The following PCDH15 variants were observed in gnomAD, a reference collection of about 807,000 sequenced individuals.
PCDH15 encodes protocadherin related 15.
Under a neutral mutation model 178.5 loss-of-function variants are expected in PCDH15, and 129 were observed. The ratio of observed to expected loss-of-function variants is 0.72; its 90% CI spans 0.63 to 0.84. PCDH15 has a LOEUF of 0.84. Ranked by LOEUF, PCDH15 falls within the 40% of genes least tolerant of loss-of-function variation. The probability of loss-of-function intolerance (pLI) is 0.00; values close to 1 mark genes in which losing one functional copy is unlikely to be tolerated. For missense variants in PCDH15, 2,230 were observed against 2,099.9 expected (o/e 1.06, Z -1.21); for synonymous variants, 800 against 732.0 (o/e 1.09, Z -1.50).
chr10:53,821,278 A>AAAAC (rs2076257996), intron 32 of PCDH15: 1 of 985,180 alleles, frequency 1.0e-6, no homozygotes, highest in African/African-American at 1.7e-5. Flanking sequence ...TTCTTATCAG[A>AAAAC]AAACAGATGA....
chr10:54,536,943 G>A, intron 2 of PCDH15, among the ~76,000 whole-genome samples: 1 of 149,152 alleles, frequency 6.7e-6, no homozygotes. Context: ...ATTGTGAATA[G>A]TACTGCAATG....
intron 13 of PCDH15, among the ~76,000 whole-genome samples, chr10:54,168,833 A>G (rs2046545109): frequency 6.6e-6 from 1 of 152,000 alleles, no homozygotes; most frequent in Non-Finnish European, 1.5e-5. Context: ...CAAAAATTAA[A>G]TTCCGGCCCT....
At chr10:54,164,260 T>C (rs954980863) in intron 13 of PCDH15, among the ~76,000 whole-genome samples, 2 of 152,226 alleles carry the variant, frequency 1.3e-5, no homozygotes, top group African/African-American at 4.8e-5. Flanking sequence ...GAAAATAATT[T>C]GGAAATATTA....
At chr10:53,926,317 C>G (rs995201299) in intron 25 of PCDH15, among the ~76,000 whole-genome samples, 9 of 152,186 alleles carry the variant, frequency 5.9e-5, no homozygotes, top group African/African-American at 2.2e-4. Context: ...ATCTTCCTAT[C>G]AGTATTTCAA....
chr10:54,262,530 T>G (rs2132315878), intron 8 of PCDH15, among the ~76,000 whole-genome samples: 1 of 152,172 alleles, frequency 6.6e-6, no homozygotes, highest in African/African-American at 2.4e-5. Context: ...TGCTTAAAGC[T>G]TAGAGGCCAG....
intron 20 of PCDH15, among the ~76,000 whole-genome samples, chr10:54,018,267 G>T (rs1303936764): frequency 2.0e-5 from 3 of 152,020 alleles, no homozygotes; most frequent in Non-Finnish European, 4.4e-5. Context: ...TGCTATTGTA[G>T]TACTGGCCAC....
chr10:55,029,355 A>G (rs1840554469), intron 2 of PCDH15, among the ~76,000 whole-genome samples: 1 of 152,066 alleles, frequency 6.6e-6, no homozygotes, highest in Admixed American at 6.6e-5. Flanking sequence ...TATAAATACA[A>G]TTGTCCTATC....
At chr10:53,972,685 A>C (rs1456455337) in intron 21 of PCDH15, among the ~76,000 whole-genome samples, 1 of 152,238 alleles carries the variant, frequency 6.6e-6, no homozygotes, top group Non-Finnish European at 1.5e-5. Context: ...AGACACATGA[A>C]AAAAATGCTC....
At chr10:54,847,184 T>C (rs1011435881) in intron 3 of PCDH15, among the ~76,000 whole-genome samples, 1 of 152,186 alleles carries the variant, frequency 6.6e-6, no homozygotes, top group Non-Finnish European at 1.5e-5. Context: ...TTCATAATCA[T>C]GAAGACTAAA....
chr10:54,246,387 T>C (rs2055926240), intron 8 of PCDH15, among the ~76,000 whole-genome samples: 1 of 151,880 alleles, frequency 6.6e-6, no homozygotes, highest in South Asian at 2.1e-4. Flanking sequence ...TTTTACCTGT[T>C]TTAAATTTTC....
intron 16 of PCDH15, among the ~76,000 whole-genome samples, chr10:54,087,436 A>G (rs950147021): frequency 7.2e-5 from 11 of 152,196 alleles, no homozygotes; most frequent in Non-Finnish European, 1.6e-4. Flanking sequence ...TTCACTTAGC[A>G]TAATATTTTC....
chr10:54,864,408 T>C (rs945165205), intron 3 of PCDH15, among the ~76,000 whole-genome samples: 4 of 152,178 alleles, frequency 2.6e-5, no homozygotes, highest in Non-Finnish European at 5.9e-5. Flanking sequence ...CATAATATGG[T>C]ATGCTTTATT....
chr10:53,838,190 T>G (rs186712151), intron 29 of PCDH15, among the ~76,000 whole-genome samples: 3,418 of 151,982 alleles, frequency 0.022, 153 homozygotes, highest in African/African-American at 0.078. Context: ...TTAGCCAGGA[T>G]GGTCTCGATC....
intron 26 of PCDH15, among the ~76,000 whole-genome samples, chr10:53,885,672 C>T (rs1187267056): frequency 6.6e-6 from 1 of 152,070 alleles, no homozygotes; most frequent in Non-Finnish European, 1.5e-5. Flanking sequence ...TCATTTAAAA[C>T]ATATAAATAT....
At chr10:55,130,900 T>A (rs1401025153) in intron 2 of PCDH15, among the ~76,000 whole-genome samples, 1 of 152,104 alleles carries the variant, frequency 6.6e-6, no homozygotes, top group Non-Finnish European at 1.5e-5. Context: ...AAAAATGTTA[T>A]CTTACTTCTA....
intron 2 of PCDH15, among the ~76,000 whole-genome samples, chr10:55,536,779 T>G (rs1227956248): frequency 1.3e-5 from 2 of 152,092 alleles, no homozygotes; most frequent in African/African-American, 4.8e-5. Flanking sequence ...CAACACAAAA[T>G]TTATCATCTT....
At chr10:54,669,454 C>A (rs2094622957) in intron 1 of PCDH15, among the ~76,000 whole-genome samples, 1 of 150,726 alleles carries the variant, frequency 6.6e-6, no homozygotes, top group East Asian at 2.0e-4. Flanking sequence ...TACATAGTCA[C>A]ATATACAATT....
rs549240755 is a variant in PCDH15, at chr10:54,469,406, C to CT, written c.157+58405dup. Among the ~76,000 whole-genome samples, 6 of 152,202 alleles carry CT rather than the reference C, an allele frequency of 3.9e-5. No individual in the cohort carries two copies. The South Asian group carries it at 1.0e-3, about 26-fold the overall frequency. On this transcript the variant is annotated intron_variant, in intron 3 of 37. Coordinates refer to ENST00000644397, the MANE Select transcript of PCDH15 (RefSeq NM_001384140.1). ...GCCAGCATGCTGCCCCCATCCCTGC[C>CT]TTTTTTTAACTATTAAGCCAGTCTA...
intron 13 of PCDH15, among the ~76,000 whole-genome samples, chr10:54,153,880 G>T (rs1321142936): frequency 6.6e-6 from 1 of 152,156 alleles, no homozygotes; most frequent in Non-Finnish European, 1.5e-5. Flanking sequence ...AAGTCGTAGA[G>T]TATTAATGTG....
Sources: gnomAD v4.1 joint callset for allele counts (sites outside exome capture counted in the v4.1 genomes callset) on GRCh38, gnomAD v4.1.1 for gene constraint, MANE v1.5 for transcripts, NCBI Gene and HGNC (gene_info 2026-07-23, HGNC 2026-07-21) for gene names.